WWOX: variants seen among roughly 807,000 people sequenced by gnomAD.
WWOX encodes WW domain containing oxidoreductase.
WWOX carries 69 observed loss-of-function variants against 46.2 expected under a neutral mutation model. The observed-to-expected ratio is 1.49, with a 90% CI of 1.23 to 1.82. The LOEUF (loss-of-function observed/expected upper bound fraction) is 1.82. Ranked by LOEUF, WWOX falls within the 40% of genes most tolerant of loss-of-function variation. The pLI, the probability that WWOX is intolerant of heterozygous loss-of-function variation, is 0.00. For missense variants in WWOX, 919 were observed against 542.6 expected, an observed-to-expected ratio of 1.69 and a Z score of -6.89; for synonymous variants, 359 against 202.6, an observed-to-expected ratio of 1.77 and a Z score of -6.56.
chr16:78,256,787 GC>G (rs1475978672), intron 5 of WWOX, among the ~76,000 whole-genome samples: 1 of 151,970 alleles, frequency 6.6e-6, no homozygotes, highest in Non-Finnish European at 1.5e-5. Context: ...TGCCTCAGAC[GC>G]CCCCCTTTAG....
intron 8 of WWOX, among the ~76,000 whole-genome samples, chr16:78,634,697 C>G (rs1270660313): frequency 7.3e-6 from 1 of 136,092 alleles, no homozygotes; most frequent in Admixed American, 7.1e-5. Context: ...CAGAGCAAGA[C>G]TCTGTGTTAA....
intron 8 of WWOX, among the ~76,000 whole-genome samples, chr16:78,856,479 C>G (rs894655123): frequency 2.5e-4 from 38 of 152,070 alleles, no homozygotes; most frequent in Non-Finnish European, 3.1e-4. Flanking sequence ...CTCATTTCTG[C>G]TAAAAATACA....
intron 8 of WWOX, among the ~76,000 whole-genome samples, chr16:79,071,686 A>T (rs1356517066): frequency 6.6e-6 from 1 of 152,224 alleles, no homozygotes; most frequent in East Asian, 1.9e-4. Flanking sequence ...CCTGCCCCGC[A>T]TTCCCCTTCA....
chr16:78,605,277 C>G (rs1047111508), intron 8 of WWOX, among the ~76,000 whole-genome samples: 1 of 151,750 alleles, frequency 6.6e-6, no homozygotes, highest in Non-Finnish European at 1.5e-5. Flanking sequence ...CTCCTGCTTC[C>G]TCTTCCTCTG....
chr16:78,543,389 A>G lies in WWOX; in HGVS notation c.1056+110637A>G, dbSNP rs371315902. 2.0e-3 allele frequency among the ~76,000 whole-genome samples: 302 copies of G among 152,336 alleles called. 1 individual carries two copies. The highest frequency in any genetic ancestry group is 6.8e-3 in the Middle Eastern group (2 of 294). On this transcript the variant is annotated intron_variant, in intron 8 of 8. Transcript: ENST00000566780. The stretch of plus-strand genomic sequence containing the variant: ...GTGCACACTATGGATTTTTACTACA[A>G]TGATGCCCTTTCACATACAGCGAGA...
intron 8 of WWOX, among the ~76,000 whole-genome samples, chr16:78,524,370 T>G (rs2043411994): frequency 6.6e-6 from 1 of 151,490 alleles, no homozygotes. Context: ...TGGTAAAGTT[T>G]AGTTGACTAG....
chr16:79,007,913 G>C (rs2047221599), intron 8 of WWOX, among the ~76,000 whole-genome samples: 1 of 152,148 alleles, frequency 6.6e-6, no homozygotes, highest in South Asian at 2.1e-4. Flanking sequence ...TAACAACCTT[G>C]GGAGGTAGTT....
At chr16:78,485,307 T>C (rs1365391436) in intron 8 of WWOX, among the ~76,000 whole-genome samples, 1 of 152,110 alleles carries the variant, frequency 6.6e-6, no homozygotes, top group African/African-American at 2.4e-5. Flanking sequence ...AATGATCTTT[T>C]GGGTGGTTGA....
At chr16:78,461,968 C>A (rs1241481549) in intron 8 of WWOX, among the ~76,000 whole-genome samples, 1 of 152,208 alleles carries the variant, frequency 6.6e-6, no homozygotes, top group African/African-American at 2.4e-5. Context: ...ATGGAAGGAC[C>A]CTCAACAGAC....
chr16:78,766,079 C>T lies in WWOX; in HGVS notation c.1056+333327C>T, dbSNP rs150663412. ...CATGAGCAGTTCCAAAGGAGTGGGA[C>T]GGGGTGAATGATTTGTGGTCAGAGG... On this transcript the variant is annotated intron_variant, in intron 8 of 8. Transcript: ENST00000566780. Among the ~76,000 whole-genome samples the T allele has an allele frequency of 5.1e-3, 780 of 152,274 alleles. 3 individuals are homozygous for T. The highest frequency in any genetic ancestry group is 8.1e-3 in the Non-Finnish European group (554 of 68,022).
rs566758035 is a variant in WWOX at position 79,013,004 on chromosome 16, G to C, written c.1057-198604G>C. Among the ~76,000 whole-genome samples the C allele has an allele frequency of 7.9e-5, 12 of 152,338 alleles. No homozygotes were observed. In the South Asian group the frequency reaches 2.5e-3, roughly 32 times the overall value. On this transcript the variant is annotated intron_variant, in intron 8 of 8. Coordinates refer to ENST00000566780, the MANE Select transcript of WWOX (RefSeq NM_016373.4). ...GTCAGGAAGAACCTGGGAGATTGGA[G>C]GTTGCAGTGAGCTGAGATCGTGCCA...
At chr16:78,508,310 CTTTTTTTTTTTTT>C (rs60281450) in intron 8 of WWOX, among the ~76,000 whole-genome samples, 84,080 of 114,400 alleles carry the variant, frequency 0.73, 30,281 homozygotes, top group Middle Eastern at 0.84. Context: ...TGCGCCCGGC[CTTTTTTTTTTTTT>C]TTTTTTTTTT....
chr16:79,090,876 C>G (rs939580385), intron 8 of WWOX, among the ~76,000 whole-genome samples: 2 of 152,140 alleles, frequency 1.3e-5, no homozygotes, highest in African/African-American at 2.4e-5. Context: ...TCACTGCAAC[C>G]TTTGCCTCCT....
At chr16:79,008,658 C>T (rs1402454644) in intron 8 of WWOX, among the ~76,000 whole-genome samples, 3 of 152,198 alleles carry the variant, frequency 2.0e-5, no homozygotes, top group Admixed American at 6.5e-5. Context: ...ATGCTCCCGA[C>T]ACCAGGTCAT....
At chr16:78,263,996 C>CTTTTTTTTTTTTTCT (rs2079305110) in intron 5 of WWOX, among the ~76,000 whole-genome samples, 1 of 78,816 alleles carries the variant, frequency 1.3e-5, no homozygotes, top group Non-Finnish European at 2.2e-5. Context: ...GCTGTGAAAT[C>CTTTTTTTTTTTTTCT]TTTTTTTTTT....
intron 8 of WWOX, among the ~76,000 whole-genome samples, chr16:79,053,502 A>G (rs2048207758): frequency 6.6e-6 from 1 of 152,238 alleles, no homozygotes; most frequent in East Asian, 1.9e-4. Context: ...AAGGTAATGT[A>G]AATGTGTTGC....
chr16:78,863,260 C>A (rs1207043835), intron 8 of WWOX, among the ~76,000 whole-genome samples: 3 of 152,032 alleles, frequency 2.0e-5, no homozygotes, highest in Non-Finnish European at 4.4e-5. Flanking sequence ...TCCCAGCCAG[C>A]CAAGTAAGTT....
chr16:78,479,745 G>C (rs746149229), intron 8 of WWOX, among the ~76,000 whole-genome samples: 98 of 152,272 alleles, frequency 6.4e-4, no homozygotes, highest in Middle Eastern at 3.4e-3. Context: ...CCTCTGGCCT[G>C]GGAGTCTAGA....
chr16:78,213,240 G>T, intron 5 of WWOX, among the ~76,000 whole-genome samples: 1 of 126,428 alleles, frequency 7.9e-6, no homozygotes, highest in South Asian at 2.7e-4. Flanking sequence ...GACAGAGCGA[G>T]ACTGTATCTC....
Sources: gnomAD v4.1 joint callset for allele counts (sites outside exome capture counted in the v4.1 genomes callset) on GRCh38, gnomAD v4.1.1 for gene constraint, MANE v1.5 for transcripts, NCBI Gene and HGNC (gene_info 2026-07-23, HGNC 2026-07-21) for gene names.